The following NTM variants were observed in gnomAD, a reference collection of about 807,000 sequenced individuals.
NTM encodes IgLON family member 2.
A neutral mutation model predicts 42.1 loss-of-function variants in NTM; 13 were observed. That is an observed-to-expected ratio of 0.31 (90% CI 0.20 to 0.49). NTM has a LOEUF of 0.49. NTM is among the 20% of genes least tolerant of loss of function. NTM has a pLI of 0.99. For missense variants in NTM, 373 were observed against 452.8 expected, an observed-to-expected ratio of 0.82 and a Z score of 1.60; for synonymous variants, 187 against 179.2, an observed-to-expected ratio of 1.04 and a Z score of -0.35.
intron 3 of NTM, among the ~76,000 whole-genome samples, chr11:132,158,159 C>T (rs1183564723): frequency 2.6e-5 from 4 of 152,144 alleles, no homozygotes; most frequent in Admixed American, 6.5e-5. Context: ...AAAGGTCTTC[C>T]TTGGTCCGGC....
At chr11:131,888,671 C>G (rs2050772909) in intron 1 of NTM, among the ~76,000 whole-genome samples, 1 of 152,190 alleles carries the variant, frequency 6.6e-6, no homozygotes, top group Admixed American at 6.5e-5. Context: ...CAGTCTTGCT[C>G]CAAATCCTGC....
At chr11:131,897,771 A>C (rs568337247) in intron 1 of NTM, among the ~76,000 whole-genome samples, 24 of 152,238 alleles carry the variant, frequency 1.6e-4, no homozygotes, top group African/African-American at 5.8e-4. Context: ...TTGTTTGCTC[A>C]TACCTCTAAA....
chr11:131,789,636 A>AGAAGAAGAAGAAGAAGAAGAAGAAG lies in NTM; in HGVS notation c.83-121928_83-121927insGAAGAAGAAGAAGAAGAAGAAGAAG, dbSNP rs1555127949. Among the ~76,000 whole-genome samples the AGAAGAAGAAGAAGAAGAAGAAGAAG allele has an allele frequency of 4.2e-4, 13 of 30,896 alleles. 3 individuals are homozygous for AGAAGAAGAAGAAGAAGAAGAAGAAG. The highest frequency in any genetic ancestry group is 1.7e-3 in the South Asian group (2 of 1,190). 20.3% of individuals were successfully genotyped at this position (30,896 alleles called of 152,430 possible). A position where few individuals can be genotyped will look rare whatever the true frequency, so the allele number is the denominator to read the frequency against. ...AAGAAGAAGAAGAAGAAGAAGAAGAAAAGAAGAAGAAGAAGAAGAAGAAGA... is the reference window on the plus strand; with the variant it reads ...AAGAAGAAGAAGAAGAAGAAGAAGAAGAAGAAGAAGAAGAAGAAGAAGAAGAAGAAGAAGAAGAAGAAGAAGAAGA... On this transcript the variant is annotated intron_variant, in intron 1 of 8. Coordinates refer to ENST00000683400, the MANE Select transcript of NTM (RefSeq NM_001352005.2).
intron 2 of NTM, among the ~76,000 whole-genome samples, chr11:132,053,699 C>T (rs994660409): frequency 2.6e-5 from 4 of 152,182 alleles, no homozygotes; most frequent in African/African-American, 9.6e-5. Flanking sequence ...TAAGTGAATT[C>T]TTGCTTCAAA....
chr11:131,953,833 T>C (rs1462022802), intron 2 of NTM, among the ~76,000 whole-genome samples: 1 of 151,764 alleles, frequency 6.6e-6, no homozygotes, highest in South Asian at 2.1e-4. Flanking sequence ...TGATCAGAGG[T>C]GAGAAAAATG....
chr11:131,625,796 C>T (rs1387993442), intron 1 of NTM, among the ~76,000 whole-genome samples: 1 of 152,138 alleles, frequency 6.6e-6, no homozygotes, highest in Non-Finnish European at 1.5e-5. Flanking sequence ...CTTTACAACT[C>T]ACATGAGTGA....
chr11:131,608,808 T>C (rs1388670956), intron 1 of NTM, among the ~76,000 whole-genome samples: 1 of 152,174 alleles, frequency 6.6e-6, no homozygotes, highest in East Asian at 1.9e-4. Flanking sequence ...TCTGGCCCAG[T>C]TGGTTCATTT....
At chr11:132,219,475 C>T (rs1434203267) in intron 4 of NTM, among the ~76,000 whole-genome samples, 1 of 151,726 alleles carries the variant, frequency 6.6e-6, no homozygotes, top group Non-Finnish European at 1.5e-5. Flanking sequence ...AGTTTTCAGT[C>T]CCTTTCTAAA....
chr11:132,029,067 T>G (rs1378043446), intron 2 of NTM, among the ~76,000 whole-genome samples: 1 of 151,868 alleles, frequency 6.6e-6, no homozygotes, highest in Non-Finnish European at 1.5e-5. Context: ...TGTGGGTTTT[T>G]TTTTTTGTTT....
chr11:131,849,667 A>G (rs574976927), intron 1 of NTM, among the ~76,000 whole-genome samples: 34 of 151,928 alleles, frequency 2.2e-4, no homozygotes, highest in Non-Finnish European at 4.1e-4. Flanking sequence ...TTTTGAGGAC[A>G]TTGACCCTTC....
At chr11:132,330,514 C>A (rs2095782870) in intron 8 of NTM, among the ~76,000 whole-genome samples, 1 of 152,184 alleles carries the variant, frequency 6.6e-6, no homozygotes, top group South Asian at 2.1e-4. Flanking sequence ...TGCTCTAATG[C>A]AGCGATCTTC....
chr11:131,483,684 C>A (rs1953857280), intron 1 of NTM, among the ~76,000 whole-genome samples: 1 of 152,182 alleles, frequency 6.6e-6, no homozygotes, highest in Non-Finnish European at 1.5e-5. Flanking sequence ...AAACCAGCAG[C>A]AGCGAAGAAG....
At chr11:132,299,421 G>C (rs1020124268) in intron 4 of NTM, among the ~76,000 whole-genome samples, 5 of 152,232 alleles carry the variant, frequency 3.3e-5, no homozygotes, top group Admixed American at 3.3e-4. Flanking sequence ...ATGGCAAGGT[G>C]GAGGAGCCCA....
chr11:132,264,348 G>A (rs2093049289), intron 4 of NTM, among the ~76,000 whole-genome samples: 1 of 152,084 alleles, frequency 6.6e-6, no homozygotes, highest in African/African-American at 2.4e-5. Flanking sequence ...CTATTGGGTT[G>A]TTTATCATTT....
At chr11:131,911,308 G>GGAATATTAGACTCGGA (rs2054902739) in intron 1 of NTM, 2 of 1,441,388 alleles carry the variant, frequency 1.4e-6, no homozygotes, top group Non-Finnish European at 1.8e-6. Flanking sequence ...ATTTGGGGGA[G>GGAATATTAGACTCGGA]GAATATTAGA....
chr11:131,873,637 A>C (rs1476967511), intron 1 of NTM, among the ~76,000 whole-genome samples: 1 of 123,124 alleles, frequency 8.1e-6, no homozygotes, highest in Non-Finnish European at 1.6e-5. Context: ...ATATATATAC[A>C]CATATATATA....
intron 1 of NTM, among the ~76,000 whole-genome samples, chr11:131,570,175 A>T (rs549039762): frequency 1.3e-5 from 2 of 152,336 alleles, no homozygotes; most frequent in Admixed American, 1.3e-4. Context: ...CTCGAAGCTT[A>T]TTGAAAAGGC....
chr11:131,506,656 G>A (rs73026144), intron 1 of NTM, among the ~76,000 whole-genome samples: 20,442 of 152,136 alleles, frequency 0.13, 2,259 homozygotes, highest in African/African-American at 0.3. Context: ...CATGGGAATG[G>A]GGCAGGGCAC....
intron 4 of NTM, among the ~76,000 whole-genome samples, chr11:132,273,328 T>G (rs1380353618): frequency 6.8e-6 from 1 of 146,102 alleles, no homozygotes; most frequent in African/African-American, 2.5e-5. Context: ...TTTTTTTTTT[T>G]TTTTTTTCCT....
Sources: gnomAD v4.1 joint callset for allele counts (sites outside exome capture counted in the v4.1 genomes callset) on GRCh38, gnomAD v4.1.1 for gene constraint, MANE v1.5 for transcripts, NCBI Gene and HGNC (gene_info 2026-07-23, HGNC 2026-07-21) for gene names.